Variants in ARID1B observed in about 807,000 individuals in gnomAD.
ARID1B encodes AT-rich interactive domain-containing protein 1B.
ARID1B carries 30 observed loss-of-function variants against 212.3 expected under a neutral mutation model. The observed-to-expected ratio is 0.14, with a 90% CI of 0.11 to 0.19. The LOEUF (loss-of-function observed/expected upper bound fraction) is 0.19. ARID1B is among the 10% of genes least tolerant of loss of function. The pLI, the probability that ARID1B is intolerant of heterozygous loss-of-function variation, is 1.00. For missense variants in ARID1B, 2,891 were observed against 3,204.0 expected (o/e 0.90, Z 2.36); for synonymous variants, 1,402 against 1,301.7 (o/e 1.08, Z -1.66).
intron 4 of ARID1B, among the ~76,000 whole-genome samples, chr6:157,079,707 C>G (rs138560390): frequency 2.0e-4 from 31 of 152,154 alleles, no homozygotes; most frequent in African/African-American, 6.5e-4. Context: ...GGATTACTTT[C>G]TATAGTGTTT....
chr6:156,948,632 T>C lies in ARID1B; in HGVS notation c.2247+13056T>C, dbSNP rs557967967. 2.0e-5 allele frequency among the ~76,000 whole-genome samples: 3 copies of C among 152,326 alleles called. No homozygotes were observed. In the East Asian group the frequency reaches 5.8e-4, roughly 29 times the overall value. On this transcript the variant is annotated intron_variant, in intron 4 of 19. Transcript: ENST00000636930. ...GACACAGTATCTTGTCTTTTCCACA[T>C]CTCAATGATGCAGAAAAATTCAGTT...
In ARID1B at chr6:156,935,473, C is replaced by G; in HGVS notation, c.2144C>G (p.Ser715Cys). 6.2e-7 allele frequency: 1 copy of G among 1,611,810 alleles called. No homozygotes were observed. The highest frequency in any genetic ancestry group is 8.5e-7 in the Non-Finnish European group (1 of 1,178,422). Reference sequence around the variant, plus strand: ...GTTTGTGTTTTTTTTTAGGACATGTCTCAGGAAGGCTATGGAACTAGATCT... The same window carrying G: ...GTTTGTGTTTTTTTTTAGGACATGTGTCAGGAAGGCTATGGAACTAGATCT... ...QQRYQPQQDM[S>C]QEGYGTRSQP... The change falls in exon 4 of 20, where the codon TCT becomes TGT. Residue 715 changes from serine to cysteine, a missense_variant. Physicochemically the swap from Ser to Cys is moderately radical, Grantham distance 112. Transcript: ENST00000636930.
intron 16 of ARID1B, among the ~76,000 whole-genome samples, chr6:157,198,227 G>A (rs971606917): frequency 2.0e-5 from 3 of 152,112 alleles, no homozygotes; most frequent in South Asian, 4.1e-4. Flanking sequence ...GAGCCTTTTA[G>A]GGCATAGGAC....
chr6:156,952,066 A>G (rs917730104), intron 4 of ARID1B, among the ~76,000 whole-genome samples: 8 of 152,256 alleles, frequency 5.3e-5, no homozygotes, highest in African/African-American at 1.7e-4. Context: ...TTTTATAAGC[A>G]TAAAACGTGT....
rs989154122 is a variant in ARID1B at position 157,207,147 on chromosome 6, C to A, written c.6375C>A (p.Asp2125Glu). ...PQTYEKEEDE[D>E]KGVACSKDEW... is the part of the protein sequence containing the mutation. ...CCTATGAGAAAGAGGAGGATGAGGA[C>A]AAGGGGGTGGCCTGCAGCAAAGATG... Residue 2125 changes from aspartate to glutamate, a missense_variant, in exon 20 of 20, where the codon GAC becomes GAA. Physicochemically the swap from Asp to Glu is conservative, Grantham distance 45. This residue lies in a region of ARID1B where 41 missense variants were observed against 40.4 expected (regional missense o/e 1.01). Coordinates refer to ENST00000636930, the MANE Select transcript of ARID1B (RefSeq NM_001374828.1). The surrounding 1 kb of genome is among the most constrained non-coding windows in gnomAD (Gnocchi z 8.5). 3.1e-6 allele frequency: 5 copies of A among 1,614,074 alleles called. No homozygotes were observed. The highest frequency in any genetic ancestry group is 1.7e-5 in the Admixed American group (1 of 59,996).
At chr6:156,944,259 G>A (rs1725729720) in intron 4 of ARID1B, among the ~76,000 whole-genome samples, 1 of 152,188 alleles carries the variant, frequency 6.6e-6, no homozygotes, top group Non-Finnish European at 1.5e-5. Context: ...CTGCTTGGTG[G>A]CCTCTCTTCC....
chr6:157,053,017 G>A (rs572942580), intron 4 of ARID1B, among the ~76,000 whole-genome samples: 9 of 151,342 alleles, frequency 5.9e-5, no homozygotes, highest in South Asian at 2.1e-4. Flanking sequence ...CACACCCAGC[G>A]CTAAGAGCAG....
At chr6:157,193,243 T>A (rs1412197403) in intron 15 of ARID1B, among the ~76,000 whole-genome samples, 1 of 152,244 alleles carries the variant, frequency 6.6e-6, no homozygotes, top group Non-Finnish European at 1.5e-5. Context: ...AGTTGTTCCA[T>A]AATCTTTTCT....
At chr6:157,069,314 G>A (rs1468185237) in intron 4 of ARID1B, among the ~76,000 whole-genome samples, 1 of 152,100 alleles carries the variant, frequency 6.6e-6, no homozygotes, top group African/African-American at 2.4e-5. Flanking sequence ...ATTTATTGCT[G>A]TTGTCAGAAT....
At chr6:157,025,948 G>A (rs1583171517) in intron 4 of ARID1B, among the ~76,000 whole-genome samples, 1 of 150,148 alleles carries the variant, frequency 6.7e-6, no homozygotes, top group East Asian at 1.9e-4. Context: ...TTTTTGAGGT[G>A]GAGTCTCGCC....
intron 2 of ARID1B, among the ~76,000 whole-genome samples, chr6:156,841,217 G>A (rs1783878891): frequency 6.6e-6 from 1 of 152,154 alleles, no homozygotes; most frequent in Non-Finnish European, 1.5e-5. Context: ...GTTCTCTGTC[G>A]CTGATCATTT....
At position 157,110,811 on chromosome 6, in the gene ARID1B, A is replaced by G. The variant is rs1430062502; in HGVS notation, c.2581+250A>G. The G allele has an allele frequency of 7.2e-6, 4 of 552,294 alleles. No individual in the cohort carries two copies. In the African/African-American group the frequency reaches 7.5e-5, roughly 10 times the overall value. The allele number at this position is 552,294 out of a possible 1,614,324, so 34.2% of individuals were successfully genotyped here. A position where few individuals can be genotyped will look rare whatever the true frequency, so the allele number is the denominator to read the frequency against. ...AGAATGTGTGTGTCCACATAGCACC[A>G]TGAAGCATGGTTCACATATGACTGT... is the stretch of plus-strand genomic sequence containing the variant. On this transcript the variant is annotated intron_variant, in intron 6 of 19. Transcript: ENST00000636930.
At chr6:156,896,668 C>T (rs1304837745) in intron 2 of ARID1B, among the ~76,000 whole-genome samples, 1 of 150,602 alleles carries the variant, frequency 6.6e-6, no homozygotes, top group Non-Finnish European at 1.5e-5. Context: ...ATCACGAGGT[C>T]AAGAGATCGA....
At chr6:156,982,531 C>G (rs1161123653) in intron 4 of ARID1B, among the ~76,000 whole-genome samples, 2 of 151,622 alleles carry the variant, frequency 1.3e-5, no homozygotes, top group African/African-American at 2.4e-5. Flanking sequence ...CTTTCTCTCC[C>G]TTAATCTGCT....
chr6:156,866,350 A>G (rs1785691603), intron 2 of ARID1B, among the ~76,000 whole-genome samples: 1 of 152,162 alleles, frequency 6.6e-6, no homozygotes, highest in Admixed American at 6.5e-5. Context: ...ATCTACCGCC[A>G]CACTATACTC....
At position 157,094,266 on chromosome 6, in the gene ARID1B, T is replaced by G. The variant is rs1562612328; in HGVS notation, c.2491+9361T>G. Among the ~76,000 whole-genome samples the G allele has an allele frequency of 6.6e-6, 1 of 152,082 alleles. No individual in the cohort carries two copies. Among genetic ancestry groups the G allele is most frequent in the Non-Finnish European group, 1.5e-5 (1 of 68,018 alleles). On this transcript the variant is annotated intron_variant, in intron 5 of 19. Transcript: ENST00000636930. This position sits in a 1 kb window ranked among gnomAD's most constrained non-coding sequence, Gnocchi z 4.3. ...GGAAATCAGTGTAGCCACAGCATAGTGGTCACGGGCAATGGAGCAGAATGT... is the reference window on the plus strand; with the variant it reads ...GGAAATCAGTGTAGCCACAGCATAGGGGTCACGGGCAATGGAGCAGAATGT...
intron 4 of ARID1B, among the ~76,000 whole-genome samples, chr6:157,064,469 C>T (rs1783546425): frequency 6.6e-6 from 1 of 152,060 alleles, no homozygotes; most frequent in African/African-American, 2.4e-5. Context: ...AGTGTTTCTT[C>T]GATGGTTTGA....
rs963721914 is a variant in ARID1B, at chr6:157,203,470, C to T, written c.5264-396C>T. ...TTCCAGGACGCCACCTTGAGACACTCGTGAGTGGTGAAGCCAAAAGAAGAC... is the reference window on the plus strand; with the variant it reads ...TTCCAGGACGCCACCTTGAGACACTTGTGAGTGGTGAAGCCAAAAGAAGAC... On this transcript the variant is annotated intron_variant, in intron 18 of 19. Coordinates refer to ENST00000636930, the MANE Select transcript of ARID1B (RefSeq NM_001374828.1). The surrounding 1 kb of genome is among the most constrained non-coding windows in gnomAD (Gnocchi z 4.4). 6.6e-6 allele frequency among the ~76,000 whole-genome samples: 1 copy of T among 152,138 alleles called. No individual in the cohort carries two copies. Among genetic ancestry groups the T allele is most frequent in the African/African-American group, 2.4e-5 (1 of 41,412 alleles).
intron 12 of ARID1B, 40 bp from the exon 13 acceptor site, chr6:157,184,191 C>T (rs775326928): frequency 6.4e-7 from 1 of 1,554,406 alleles, no homozygotes; most frequent in East Asian, 2.3e-5. Flanking sequence ...AAACAAGCCA[C>T]TTTGTTGCAA....
Sources: allele counts gnomAD v4.1 joint callset (sites outside exome capture counted in the v4.1 genomes callset), GRCh38; gene constraint gnomAD v4.1.1; regional missense constraint gnomAD v4.1.1; non-coding constraint Gnocchi (gnomAD v3.1); transcripts MANE v1.5; gene names NCBI Gene and HGNC (gene_info 2026-07-23, HGNC 2026-07-21).